LHFPL6: variants seen among roughly 807,000 people sequenced by gnomAD.
The protein encoded by LHFPL6 is LHFPL tetraspan subfamily member 6.
In LHFPL6, 9 loss-of-function variants were observed where a neutral mutation model predicts 20.6. That is an observed-to-expected ratio of 0.44 (90% CI 0.26 to 0.76). The LOEUF (loss-of-function observed/expected upper bound fraction) is 0.76, where lower values mean the gene tolerates loss of function less well. LHFPL6 is among the 30% of genes least tolerant of loss of function. The probability of loss-of-function intolerance (pLI) is 0.20; values close to 1 mark genes in which losing one functional copy is unlikely to be tolerated. For missense variants in LHFPL6, 218 were observed against 253.5 expected, an observed-to-expected ratio of 0.86 and a Z score of 0.95; for synonymous variants, 105 against 98.7, an observed-to-expected ratio of 1.06 and a Z score of -0.38.
At chr13:39,560,504 C>CTTTTTTTTTTTTTTTTTTTTTT (rs376446144) in intron 2 of LHFPL6, among the ~76,000 whole-genome samples, 4 of 118,178 alleles carry the variant, frequency 3.4e-5, no homozygotes, top group Non-Finnish European at 5.0e-5. Flanking sequence ...TGCAAATTCT[C>CTTTTTTTTTTTTTTTTTTTTTT]TTTTTTTTTT....
At chr13:39,439,471 T>G (rs1229286230) in intron 2 of LHFPL6, among the ~76,000 whole-genome samples, 2 of 152,028 alleles carry the variant, frequency 1.3e-5, no homozygotes, top group Non-Finnish European at 2.9e-5. Context: ...AGTTGAGACT[T>G]TGGGGGACTT....
intron 2 of LHFPL6, among the ~76,000 whole-genome samples, chr13:39,425,350 A>G (rs776501521): frequency 1.3e-5 from 2 of 152,164 alleles, no homozygotes; most frequent in African/African-American, 2.4e-5. Flanking sequence ...GTGCTTGACT[A>G]TTGCAAACAA....
At chr13:39,534,672 T>C (rs998197556) in intron 2 of LHFPL6, among the ~76,000 whole-genome samples, 7 of 152,138 alleles carry the variant, frequency 4.6e-5, no homozygotes, top group Non-Finnish European at 7.4e-5. Flanking sequence ...CTCAAGAAAA[T>C]GGCTAAGAGT....
chr13:39,587,679 G>C (rs1872491822), intron 2 of LHFPL6, among the ~76,000 whole-genome samples: 1 of 151,982 alleles, frequency 6.6e-6, no homozygotes, highest in African/African-American at 2.4e-5. Context: ...ACAAGAAATT[G>C]GTTCTACAGA....
chr13:39,545,863 G>A (rs1207966558), intron 2 of LHFPL6, among the ~76,000 whole-genome samples: 2 of 152,066 alleles, frequency 1.3e-5, no homozygotes, highest in African/African-American at 2.4e-5. Context: ...TTGAGGCCAG[G>A]AGTTTGAGAT....
chr13:39,508,052 G>A (rs1002061243), intron 2 of LHFPL6, among the ~76,000 whole-genome samples: 5 of 148,192 alleles, frequency 3.4e-5, no homozygotes, highest in East Asian at 2.0e-4. Context: ...GCAGAGTCAC[G>A]CTCTGTTGCC....
intron 2 of LHFPL6, among the ~76,000 whole-genome samples, chr13:39,385,496 C>T (rs1330686105): frequency 6.6e-6 from 1 of 152,242 alleles, no homozygotes; most frequent in Non-Finnish European, 1.5e-5. Context: ...GCCCTTGGGC[C>T]CAAACGTGAG....
At chr13:39,575,420 A>T (rs558751422) in intron 2 of LHFPL6, among the ~76,000 whole-genome samples, 6 of 152,348 alleles carry the variant, frequency 3.9e-5, no homozygotes, top group Non-Finnish European at 8.8e-5. Flanking sequence ...AAAATTAAAG[A>T]TTAGTGTTAA....
At chr13:39,375,508 C>T (rs548144319) in intron 3 of LHFPL6, among the ~76,000 whole-genome samples, 31 of 151,980 alleles carry the variant, frequency 2.0e-4, no homozygotes, top group Non-Finnish European at 3.2e-4. Context: ...CTGGCCAACA[C>T]GGCGAAACCC....
chr13:39,467,388 C>A (rs1173667702), intron 2 of LHFPL6, among the ~76,000 whole-genome samples: 1 of 152,192 alleles, frequency 6.6e-6, no homozygotes, highest in African/African-American at 2.4e-5. Context: ...AAGGTGTCTG[C>A]AAGTCCACAG....
chr13:39,455,285 C>A (rs1872544941), intron 2 of LHFPL6, among the ~76,000 whole-genome samples: 1 of 152,144 alleles, frequency 6.6e-6, no homozygotes, highest in Non-Finnish European at 1.5e-5. Flanking sequence ...GGGCCGGCGG[C>A]AACCCCTCAT....
At chr13:39,456,829 C>T (rs1319751437) in intron 2 of LHFPL6, among the ~76,000 whole-genome samples, 1 of 150,698 alleles carries the variant, frequency 6.6e-6, no homozygotes, top group Non-Finnish European at 1.5e-5. Flanking sequence ...CAGAGTCTTG[C>T]TCTGTAGCCC....
chr13:39,389,290 T>C (rs1870646478), intron 2 of LHFPL6, among the ~76,000 whole-genome samples: 1 of 152,110 alleles, frequency 6.6e-6, no homozygotes, highest in Non-Finnish European at 1.5e-5. Flanking sequence ...CCAAATTCCC[T>C]TGGAAGAAAG....
At chr13:39,429,186 GTT>G (rs66526631) in intron 2 of LHFPL6, among the ~76,000 whole-genome samples, 55 of 148,412 alleles carry the variant, frequency 3.7e-4, no homozygotes, top group African/African-American at 1.2e-3. Context: ...TATCCTTACT[GTT>G]TTTTTTTTCT....
At chr13:39,362,258 A>G (rs897991587) in intron 3 of LHFPL6, among the ~76,000 whole-genome samples, 2 of 152,102 alleles carry the variant, frequency 1.3e-5, no homozygotes, top group Admixed American at 6.5e-5. Flanking sequence ...TGGTTGTTTA[A>G]AAGTGTGTAA....
At chr13:39,512,938 T>A (rs749031131) in intron 2 of LHFPL6, among the ~76,000 whole-genome samples, 1 of 152,236 alleles carries the variant, frequency 6.6e-6, no homozygotes, top group South Asian at 2.1e-4. Flanking sequence ...ACTGTCTGCC[T>A]TTCATTCCTC....
chr13:39,345,239 G>A (rs941978393), intron 3 of LHFPL6, among the ~76,000 whole-genome samples: 1 of 152,092 alleles, frequency 6.6e-6, no homozygotes, highest in Non-Finnish European at 1.5e-5. Flanking sequence ...GGGGCTGGGC[G>A]CAGTGGCTCA....
chr13:39,462,730 GAATCA>G (rs1236484754), intron 2 of LHFPL6, among the ~76,000 whole-genome samples: 1 of 152,154 alleles, frequency 6.6e-6, no homozygotes, highest in Non-Finnish European at 1.5e-5. Flanking sequence ...GCAGAGGCAA[GAATCA>G]AATTCAAGTC....
chr13:39,428,460 T>C (rs1218305198), intron 2 of LHFPL6, among the ~76,000 whole-genome samples: 1 of 152,204 alleles, frequency 6.6e-6, no homozygotes, highest in Admixed American at 6.5e-5. Flanking sequence ...TTCCACATCA[T>C]CTAAGTTGTC....
Sources: allele counts gnomAD v4.1 joint callset (sites outside exome capture counted in the v4.1 genomes callset), GRCh38; gene constraint gnomAD v4.1.1; transcripts MANE v1.5; gene names NCBI Gene and HGNC (gene_info 2026-07-23, HGNC 2026-07-21).